The following PDZRN3 variants were observed in gnomAD, a reference collection of about 807,000 sequenced individuals.
The protein encoded by PDZRN3 is PDZ domain containing ring finger 3.
Under a neutral mutation model 85.7 loss-of-function variants are expected in PDZRN3, and 38 were observed. The ratio of observed to expected loss-of-function variants is 0.44; its 90% CI spans 0.34 to 0.58. The LOEUF (loss-of-function observed/expected upper bound fraction) is 0.58. Among genes scored for constraint, PDZRN3 ranks in the 20% least tolerant of loss-of-function variants. The probability of loss-of-function intolerance (pLI) is 0.01; values close to 1 mark genes in which losing one functional copy is unlikely to be tolerated. For synonymous variants in PDZRN3, 759 were observed against 638.0 expected (o/e 1.19, Z -2.86); for missense variants, 1,629 against 1,506.4 (o/e 1.08, Z -1.35).
intron 3 of PDZRN3, among the ~76,000 whole-genome samples, chr3:73,491,442 T>A (rs1179554232): frequency 6.6e-6 from 1 of 152,200 alleles, no homozygotes; most frequent in Non-Finnish European, 1.5e-5. Flanking sequence ...TGCAAATTTA[T>A]ATTGCCAGTT....
chr3:73,478,426 T>C (rs1703499440), intron 3 of PDZRN3, among the ~76,000 whole-genome samples: 1 of 152,166 alleles, frequency 6.6e-6, no homozygotes, highest in Non-Finnish European at 1.5e-5. Context: ...TAATGCCTGA[T>C]GATCTGTCAC....
chr3:73,409,779 T>C (rs1260161679), intron 3 of PDZRN3, among the ~76,000 whole-genome samples: 1 of 152,188 alleles, frequency 6.6e-6, no homozygotes, highest in African/African-American at 2.4e-5. Context: ...CCTTCAAAGT[T>C]TTCTACAACT....
At chr3:73,491,892 T>C (rs1050836369) in intron 3 of PDZRN3, among the ~76,000 whole-genome samples, 1 of 152,082 alleles carries the variant, frequency 6.6e-6, no homozygotes, top group African/African-American at 2.4e-5. Context: ...TGAGCGACCA[T>C]GAAGCCAGAA....
chr3:73,555,899 A>G (rs910944570), intron 3 of PDZRN3, among the ~76,000 whole-genome samples: 15 of 152,250 alleles, frequency 9.9e-5, no homozygotes, highest in Admixed American at 3.3e-4. Context: ...TCTTACACAC[A>G]TAAATTCAAT....
chr3:73,484,432 C>T (rs961380701), intron 3 of PDZRN3, among the ~76,000 whole-genome samples: 20 of 151,852 alleles, frequency 1.3e-4, no homozygotes, highest in African/African-American at 3.6e-4. Flanking sequence ...GTGGTTAGTT[C>T]GATGCCCCAG....
intron 1 of PDZRN3, chr3:73,623,769 G>A (rs1702907372): frequency 8.7e-6 from 2 of 229,702 alleles, no homozygotes; most frequent in East Asian, 1.7e-4. Flanking sequence ...GGTCTGAGCA[G>A]CAAAGCCTTT....
At chr3:73,611,378 A>G (rs1178840592) in intron 1 of PDZRN3, among the ~76,000 whole-genome samples, 1 of 152,248 alleles carries the variant, frequency 6.6e-6, no homozygotes, top group Non-Finnish European at 1.5e-5. Context: ...GAAATACAAC[A>G]TTCCTCAACC....
At chr3:73,476,070 A>G (rs900143764) in intron 3 of PDZRN3, among the ~76,000 whole-genome samples, 1 of 152,220 alleles carries the variant, frequency 6.6e-6, no homozygotes, top group Non-Finnish European at 1.5e-5. Context: ...CCACTGTGGC[A>G]GTCAGCCTCC....
intron 1 of PDZRN3, among the ~76,000 whole-genome samples, chr3:73,614,066 G>C (rs1026051243): frequency 6.6e-6 from 1 of 152,128 alleles, no homozygotes; most frequent in African/African-American, 2.4e-5. Context: ...AGTTGATTTT[G>C]TTTAAAAGAA....
intron 3 of PDZRN3, among the ~76,000 whole-genome samples, chr3:73,541,954 G>A (rs1467504202): frequency 6.6e-6 from 1 of 152,148 alleles, no homozygotes; most frequent in Non-Finnish European, 1.5e-5. Context: ...GGTAGTATTT[G>A]AGTAATAATT....
At chr3:73,575,149 A>C in intron 3 of PDZRN3, among the ~76,000 whole-genome samples, 1 of 152,272 alleles carries the variant, frequency 6.6e-6, no homozygotes, top group East Asian at 1.9e-4. Context: ...GAACGTAAGC[A>C]GCATTATACT....
intron 3 of PDZRN3, among the ~76,000 whole-genome samples, chr3:73,462,754 G>A (rs1575670533): frequency 6.6e-6 from 1 of 152,118 alleles, no homozygotes; most frequent in South Asian, 2.1e-4. Flanking sequence ...AACAGCCATC[G>A]TTTAAGTGGC....
chr3:73,483,310 G>A (rs1377884443), intron 3 of PDZRN3, among the ~76,000 whole-genome samples: 1 of 152,182 alleles, frequency 6.6e-6, no homozygotes, highest in Non-Finnish European at 1.5e-5. Flanking sequence ...TAATGAAGAT[G>A]CAAGAAAGAG....
chr3:73,408,930 G>A (rs1224992635), intron 3 of PDZRN3, among the ~76,000 whole-genome samples: 2 of 152,024 alleles, frequency 1.3e-5, no homozygotes, highest in African/African-American at 4.8e-5. Flanking sequence ...TGTGATTATA[G>A]ACGGGATGCA....
intron 3 of PDZRN3, among the ~76,000 whole-genome samples, chr3:73,599,941 T>A (rs988045234): frequency 2.0e-5 from 3 of 152,254 alleles, no homozygotes; most frequent in Non-Finnish European, 4.4e-5. Context: ...GATTTTCTTT[T>A]ATGCAACAGC....
chr3:73,567,912 A>C (rs1048255119), intron 3 of PDZRN3, among the ~76,000 whole-genome samples: 1 of 152,224 alleles, frequency 6.6e-6, no homozygotes, highest in African/African-American at 2.4e-5. Context: ...CAGACTAATC[A>C]ATAAAATTAA....
intron 1 of PDZRN3, among the ~76,000 whole-genome samples, chr3:73,617,913 C>T (rs1247623775): frequency 6.6e-6 from 1 of 152,182 alleles, no homozygotes; most frequent in East Asian, 1.9e-4. Flanking sequence ...ACCATGTTGG[C>T]CAGACTGATC....
At chr3:73,602,826 T>C (rs577098078) in intron 2 of PDZRN3, among the ~76,000 whole-genome samples, 2 of 152,368 alleles carry the variant, frequency 1.3e-5, no homozygotes, top group African/African-American at 4.8e-5. Flanking sequence ...CTGACTCTTA[T>C]GTCCTTGCCT....
chr3:73,566,259 A>T (rs1701948408), intron 3 of PDZRN3, among the ~76,000 whole-genome samples: 1 of 152,236 alleles, frequency 6.6e-6, no homozygotes. Flanking sequence ...CGAGGATTGC[A>T]GAAAACCTCA....
Sources: gnomAD v4.1 joint callset for allele counts (sites outside exome capture counted in the v4.1 genomes callset) on GRCh38, gnomAD v4.1.1 for gene constraint, MANE v1.5 for transcripts, NCBI Gene and HGNC (gene_info 2026-07-23, HGNC 2026-07-21) for gene names.